Variants in DOCK7 observed in about 807,000 individuals in gnomAD.
The protein encoded by DOCK7 is dedicator of cytokinesis protein 7.
DOCK7 carries 138 observed loss-of-function variants against 271.0 expected under a neutral mutation model. That is an observed-to-expected ratio of 0.51 (90% CI 0.44 to 0.59). The LOEUF (loss-of-function observed/expected upper bound fraction) is 0.59, where lower values mean the gene tolerates loss of function less well. Among genes scored for constraint, DOCK7 ranks in the 20% least tolerant of loss-of-function variants. The pLI is 0.00. For synonymous variants in DOCK7, 823 were observed against 876.1 expected, an observed-to-expected ratio of 0.94 and a Z score of 1.07; for missense variants, 2,066 against 2,592.4, an observed-to-expected ratio of 0.80 and a Z score of 4.41.
chr1:62,474,750 C>G (rs779858028), intron 47 of DOCK7, among the ~76,000 whole-genome samples: 1 of 152,116 alleles, frequency 6.6e-6, no homozygotes, highest in African/African-American at 2.4e-5. Context: ...AAATCATAAA[C>G]AAGATAATTT....
At chr1:62,570,050 C>G (rs1022273556) in intron 18 of DOCK7, among the ~76,000 whole-genome samples, 1 of 152,024 alleles carries the variant, frequency 6.6e-6, no homozygotes, top group Non-Finnish European at 1.5e-5. Flanking sequence ...AAGTTTTGGC[C>G]AGGGCAATCA....
At chr1:62,580,644 C>T (rs1647085841) in intron 16 of DOCK7, among the ~76,000 whole-genome samples, 1 of 151,954 alleles carries the variant, frequency 6.6e-6, no homozygotes, top group Non-Finnish European at 1.5e-5. Context: ...CTAAACATTG[C>T]ATTACTTTTG....
At chr1:62,611,459 T>C (rs1434616245) in intron 14 of DOCK7, among the ~76,000 whole-genome samples, 1 of 152,152 alleles carries the variant, frequency 6.6e-6, no homozygotes, top group Non-Finnish European at 1.5e-5. Context: ...ATCATATGGG[T>C]GCTTGAAATG....
At chr1:62,499,200 A>T (rs760976571) in intron 37 of DOCK7, among the ~76,000 whole-genome samples, 40 of 152,376 alleles carry the variant, frequency 2.6e-4, no homozygotes, top group Middle Eastern at 6.8e-3. Context: ...ACATGTATCA[A>T]GAAAACTGAG....
At chr1:62,566,965 A>G (rs959294383) in intron 18 of DOCK7, among the ~76,000 whole-genome samples, 14 of 152,214 alleles carry the variant, frequency 9.2e-5, no homozygotes, top group Non-Finnish European at 1.8e-4. Flanking sequence ...TCACTGATCA[A>G]TAGAGAAATG....
At chr1:62,598,094 G>T in intron 14 of DOCK7, 1 of 1,525,286 alleles carries the variant, frequency 6.6e-7, no homozygotes, top group Non-Finnish European at 8.8e-7. Context: ...TCATGTTTAT[G>T]TTTTCAATGT....
chr1:62,598,659 G>A (rs746599993), intron 14 of DOCK7: 65 of 1,141,902 alleles, frequency 5.7e-5, no homozygotes, highest in Non-Finnish European at 8.1e-5. Flanking sequence ...AAAGAAAGAG[G>A]AAAGCAACTT....
chr1:62,569,713 C>T (rs1463992914), intron 18 of DOCK7, among the ~76,000 whole-genome samples: 1 of 110,284 alleles, frequency 9.1e-6, no homozygotes, highest in Non-Finnish European at 1.8e-5. Context: ...TCTCCCCCCT[C>T]CCCCCCCCCT....
At chr1:62,599,725 G>C (rs1649828013) in intron 14 of DOCK7, among the ~76,000 whole-genome samples, 1 of 151,894 alleles carries the variant, frequency 6.6e-6, no homozygotes, top group Non-Finnish European at 1.5e-5. Flanking sequence ...CGTGTGCTAT[G>C]ATTATTATTA....
chr1:62,666,155 C>T (rs1659295499), intron 1 of DOCK7, among the ~76,000 whole-genome samples: 1 of 152,010 alleles, frequency 6.6e-6, no homozygotes, highest in African/African-American at 2.4e-5. Flanking sequence ...CAGAGTGAGA[C>T]TCTGTCACAA....
intron 37 of DOCK7, among the ~76,000 whole-genome samples, chr1:62,502,572 C>G (rs911944411): frequency 6.6e-6 from 1 of 152,150 alleles, no homozygotes; most frequent in African/African-American, 2.4e-5. Flanking sequence ...AACGAATTTT[C>G]ACTCCCTTGG....
intron 1 of DOCK7, among the ~76,000 whole-genome samples, chr1:62,663,584 AT>A (rs1432341535): frequency 6.6e-6 from 1 of 152,216 alleles, no homozygotes; most frequent in Non-Finnish European, 1.5e-5. Context: ...CAAGCTAATG[AT>A]TTAATTCAGA....
At chr1:62,474,156 C>A in intron 47 of DOCK7, 68 bp from the exon 48 acceptor site, 1 of 1,359,856 alleles carries the variant, frequency 7.4e-7, no homozygotes, top group South Asian at 1.2e-5. Flanking sequence ...AGAATTTACT[C>A]AAATGATTTT....
At chr1:62,513,258 G>C (rs962335214) in intron 33 of DOCK7, among the ~76,000 whole-genome samples, 186 bp downstream of exon 33, 4 of 103,316 alleles carry the variant, frequency 3.9e-5, no homozygotes, top group African/African-American at 1.3e-4. Flanking sequence ...GAAAACGGGG[G>C]GGGGGGGGCG....
chr1:62,668,941 A>AG (rs1659627137), intron 1 of DOCK7, among the ~76,000 whole-genome samples: 1 of 147,028 alleles, frequency 6.8e-6, no homozygotes, highest in Non-Finnish European at 1.5e-5. Flanking sequence ...AAAAAAAAAA[A>AG]GGCTTCAATT....
intron 27 of DOCK7, 120 bp from the exon 28 acceptor site, chr1:62,538,181 G>T: frequency 9.9e-7 from 1 of 1,014,988 alleles, no homozygotes; most frequent in Non-Finnish European, 1.4e-6. Flanking sequence ...TGGGTTTTGT[G>T]GCTTAAGTAG....
intron 7 of DOCK7, among the ~76,000 whole-genome samples, chr1:62,636,903 G>T (rs1320114940): frequency 6.6e-6 from 1 of 151,966 alleles, no homozygotes; most frequent in Non-Finnish European, 1.5e-5. Context: ...TTCTAACATG[G>T]TCACTTATAT....
chr1:62,650,090 A>G (rs147356905), intron 4 of DOCK7, among the ~76,000 whole-genome samples: 2 of 152,338 alleles, frequency 1.3e-5, no homozygotes, highest in African/African-American at 2.4e-5. Flanking sequence ...ATAACTAAAT[A>G]GAAACCAAAA....
chr1:62,537,113 C>A (rs936114577), intron 28 of DOCK7, among the ~76,000 whole-genome samples: 3 of 152,098 alleles, frequency 2.0e-5, no homozygotes, highest in Non-Finnish European at 2.9e-5. Flanking sequence ...ATGCTTCATC[C>A]CCCACTTCCT....
Sources: gnomAD v4.1 joint callset for allele counts (sites outside exome capture counted in the v4.1 genomes callset) on GRCh38, gnomAD v4.1.1 for gene constraint, MANE v1.5 for transcripts, NCBI Gene and HGNC (gene_info 2026-07-23, HGNC 2026-07-21) for gene names.